The following TAF7L variants were observed in gnomAD, a reference collection of about 807,000 sequenced individuals.
The protein encoded by TAF7L is TATA-box binding protein associated factor 7 like.
Under a neutral mutation model 30.2 loss-of-function variants are expected in TAF7L, and 6 were observed. The ratio of observed to expected loss-of-function variants is 0.20; its 90% confidence interval spans 0.11 to 0.39. The LOEUF (loss-of-function observed/expected upper bound fraction) is 0.39, where lower values mean the gene tolerates loss of function less well. Ranked by LOEUF, TAF7L falls within the 10% of genes least tolerant of loss-of-function variation. The probability of loss-of-function intolerance (pLI) is 1.00; values close to 1 mark genes in which losing one functional copy is unlikely to be tolerated. For synonymous variants in TAF7L, 93 were observed against 94.5 expected (o/e 0.98, Z 0.09); for missense variants, 284 against 277.1 (o/e 1.03, Z -0.18).
chrX:101,292,608 G>A (rs6621030), upstream of TAF7L, among the ~76,000 whole-genome samples: 48,254 of 108,693 alleles, frequency 0.44, 8,460 homozygotes, highest in African/African-American at 0.65. Context: ...TAACACGATC[G>A]GTTGCTCCCC....
chrX:101,279,479 G>A (rs1465650360), intron 6 of TAF7L, among the ~76,000 whole-genome samples: 1 of 110,612 alleles, frequency 9.0e-6, no homozygotes, highest in African/African-American at 3.3e-5. Flanking sequence ...AAATTAGCCG[G>A]GCATGGTGGC....
chrX:101,283,140 G>C (rs1187757081), intron 4 of TAF7L, among the ~76,000 whole-genome samples: 1 of 112,151 alleles, frequency 8.9e-6, no homozygotes, highest in Admixed American at 9.5e-5. Context: ...TAAACCTCCA[G>C]AGTTAACAAC....
At chrX:101,287,369 C>G (rs1924638946) in intron 2 of TAF7L, 109 bp downstream of exon 2, 1 of 633,005 alleles carries the variant, frequency 1.6e-6, no homozygotes, top group Admixed American at 3.6e-5. Context: ...AACAAATGTT[C>G]TGAGTTTTTA....
intron 12 of TAF7L, among the ~76,000 whole-genome samples, chrX:101,274,768 G>A (rs1003308071): frequency 8.9e-6 from 1 of 111,926 alleles, no homozygotes; most frequent in Non-Finnish European, 1.9e-5. Context: ...TTTCTCAAAT[G>A]TATGTATAGC....
At chrX:101,292,238 C>CAAAA (rs776702288), upstream of TAF7L, among the ~76,000 whole-genome samples, 1 of 45,295 alleles carries the variant, frequency 2.2e-5, no homozygotes, top group Admixed American at 2.6e-4. Context: ...GACTCCGTCT[C>CAAAA]AAAAAAAAAA....
At chrX:101,289,358 G>A (rs374541543) in intron 1 of TAF7L, among the ~76,000 whole-genome samples, 8 of 111,615 alleles carry the variant, frequency 7.2e-5, no homozygotes, top group South Asian at 3.7e-4. Flanking sequence ...ATGTGTGTGC[G>A]GATATTTCTT....
chrX:101,287,379 A>G, intron 2 of TAF7L, 99 bp downstream of exon 2: 2 of 681,697 alleles, frequency 2.9e-6, no homozygotes, highest in Middle Eastern at 4.9e-4. Flanking sequence ...CTGAGTTTTT[A>G]TAGCCTACCT....
At chrX:101,273,039 G>A (rs1174458673) in intron 12 of TAF7L, among the ~76,000 whole-genome samples, 2 of 111,614 alleles carry the variant, frequency 1.8e-5, no homozygotes, top group Non-Finnish European at 3.8e-5. Flanking sequence ...CTCCCAAAGC[G>A]CTAGGATTAC....
At chrX:101,281,987 G>A (rs1225687789) in intron 5 of TAF7L, among the ~76,000 whole-genome samples, 1 of 107,184 alleles carries the variant, frequency 9.3e-6, no homozygotes, top group Non-Finnish European at 1.9e-5. Flanking sequence ...CTAGGTTCAA[G>A]CGATTCTCCT....
chrX:101,292,249 AAAT>A (rs1482975241), upstream of TAF7L, among the ~76,000 whole-genome samples: 42 of 27,770 alleles, frequency 1.5e-3, no homozygotes, highest in African/African-American at 2.8e-3. Context: ...AAAAAAAAAA[AAAT>A]AAATAAAAAA....
chrX:101,290,643 G>A (rs1428881311), intron 1 of TAF7L, among the ~76,000 whole-genome samples: 1 of 112,448 alleles, frequency 8.9e-6, no homozygotes, highest in Non-Finnish European at 1.9e-5. Context: ...TTGATAAACA[G>A]ACCTAATAAA....
chrX:101,291,416 C>A, upstream of TAF7L: 4 of 345,509 alleles, frequency 1.2e-5, no homozygotes, highest in Non-Finnish European at 1.5e-5. Context: ...GCCGCGCTGC[C>A]CAGCGGACTG....
At chrX:101,287,364 A>G in intron 2 of TAF7L, 114 bp downstream of exon 2, 1 of 613,264 alleles carries the variant, frequency 1.6e-6, no homozygotes, top group South Asian at 3.3e-5. Context: ...TGGGAAACAA[A>G]TGTTCTGAGT....
intron 3 of TAF7L, 137 bp from the exon 4 acceptor site, chrX:101,283,720 G>T: frequency 1.5e-6 from 1 of 650,862 alleles, no homozygotes; most frequent in Non-Finnish European, 2.3e-6. Flanking sequence ...CTAGAATTGT[G>T]TACACAATTA....
chrX:101,275,919 A>C, intron 11 of TAF7L, 81 bp downstream of exon 11: 1 of 691,188 alleles, frequency 1.4e-6, no homozygotes, highest in Non-Finnish European at 2.2e-6. Flanking sequence ...AACCCTGCAC[A>C]GAGATAACAT....
Position 101,278,109 on chromosome X carries a change from G to C in TAF7L, c.517C>G (p.Pro173Ala), listed in dbSNP as rs772095313. 1 of 1,209,959 alleles carries C rather than the reference G, an allele frequency of 8.3e-7. No individual in the cohort carries two copies. Among genetic ancestry groups the C allele is most frequent in the African/African-American group, 1.7e-5 (1 of 57,747 alleles). ...CTCTTTACTTCATTTTCCACGTCTG[G>C]AGATTCAATGTACTGAAGCAAAGTT... ...KSSFTEYIES[P>A]DVENEVKRLL... Residue 173 changes from proline to alanine, a missense_variant, in exon 8 of 13, where the codon CCA becomes GCA. By Grantham distance (27) the Pro-to-Ala change is conservative (BLOSUM62 -1). Coordinates refer to ENST00000356784, the MANE Select transcript of TAF7L (RefSeq NM_001168474.2).
chrX:101,273,038 C>T (rs1409009968), intron 12 of TAF7L, among the ~76,000 whole-genome samples: 7 of 111,550 alleles, frequency 6.3e-5, no homozygotes, highest in Admixed American at 2.9e-4. Flanking sequence ...CCTCCCAAAG[C>T]GCTAGGATTA....
At position 101,282,851 on chromosome X, in the gene TAF7L, G is replaced by A. The variant is rs1010999413; in HGVS notation, c.280-398C>T. Among the ~76,000 whole-genome samples the A allele has an allele frequency of 7.2e-5, 8 of 110,852 alleles. No individual in the cohort carries two copies. The South Asian group carries it at 1.5e-3, about 21-fold the overall frequency. On this transcript the variant is annotated intron_variant, in intron 4 of 12. Transcript: ENST00000356784. Reference sequence around the variant, plus strand: ...CGTGATCATGGCTCACTGCACCCTCGACCTCCTGGGCTCAAGTGATCCTCC... The same window carrying A: ...CGTGATCATGGCTCACTGCACCCTCAACCTCCTGGGCTCAAGTGATCCTCC...
intron 2 of TAF7L, among the ~76,000 whole-genome samples, 178 bp from the exon 3 acceptor site, chrX:101,286,831 G>A (rs994300579): frequency 2.7e-5 from 3 of 111,901 alleles, no homozygotes; most frequent in African/African-American, 9.7e-5. Context: ...GGATGAAGCT[G>A]ACTCTAAACT....
Sources: allele counts gnomAD v4.1 joint callset (sites outside exome capture counted in the v4.1 genomes callset), GRCh38; gene constraint gnomAD v4.1.1; transcripts MANE v1.5; gene names NCBI Gene and HGNC (gene_info 2026-07-23, HGNC 2026-07-21).